AKAP12: variants seen among roughly 807,000 people sequenced by gnomAD.
AKAP12 encodes A-kinase anchor protein 12.
A neutral mutation model predicts 79.9 loss-of-function variants in AKAP12; 32 were observed. The ratio of observed to expected loss-of-function variants is 0.40; its 90% confidence interval spans 0.30 to 0.54. The LOEUF (loss-of-function observed/expected upper bound fraction) is 0.54, where lower values mean the gene tolerates loss of function less well. Ranked by LOEUF, AKAP12 falls within the 20% of genes least tolerant of loss-of-function variation. The probability of loss-of-function intolerance (pLI) is 0.48; values close to 1 mark genes in which losing one functional copy is unlikely to be tolerated. For missense variants in AKAP12, 2,074 were observed against 2,177.0 expected (o/e 0.95, Z 0.94); for synonymous variants, 808 against 857.0 (o/e 0.94, Z 1.00).
intron 3 of AKAP12, among the ~76,000 whole-genome samples, chr6:151,344,413 GA>G (rs1778030608): frequency 2.0e-5 from 3 of 151,834 alleles, no homozygotes; most frequent in Admixed American, 1.3e-4. Flanking sequence ...TATTTGAAAA[GA>G]AAAAAAGAAC....
At chr6:151,273,782 C>G (rs1212462110) in intron 2 of AKAP12, among the ~76,000 whole-genome samples, 1 of 152,116 alleles carries the variant, frequency 6.6e-6, no homozygotes, top group Non-Finnish European at 1.5e-5. Context: ...GTAATCCCAG[C>G]ACTTTGGGAG....
Position 151,305,836 on chromosome 6 carries a change from G to T in AKAP12, c.252G>T (p.Gln84His). Residue 84 changes from glutamine (Q) to histidine (H), a missense_variant, in exon 3 of 5, where the codon CAG (glutamine) becomes CAT (histidine). Gln to His is a conservative substitution (Grantham distance 24). This residue lies in a region of AKAP12 where 1,428 missense variants were observed against 1,451.0 expected (regional missense o/e 0.98). Coordinates refer to ENST00000402676, the MANE Select transcript of AKAP12 (RefSeq NM_005100.4). The stretch of plus-strand genomic sequence containing the variant: ...TCCAGGAGGGTGACCTAAATGGCCA[G>T]AAAGGAGCCCTGAACGGTCAAGGAG... ...LSLQEGDLNG[Q>H]KGALNGQGAL... The T allele has an allele frequency of 6.2e-7, 1 of 1,614,062 alleles. No homozygotes were observed. Among genetic ancestry groups the T allele is most frequent in the Non-Finnish European group, 8.5e-7 (1 of 1,179,984 alleles).
intron 3 of AKAP12, chr6:151,325,750 G>A: frequency 1.3e-6 from 2 of 1,586,770 alleles, no homozygotes; most frequent in Non-Finnish European, 1.7e-6. Context: ...CGCTCAGTCC[G>A]CTCTGATCCC....
chr6:151,280,408 A>G (rs1776380022), intron 2 of AKAP12: 1 of 151,992 alleles, frequency 6.6e-6, no homozygotes, highest in Non-Finnish European at 1.5e-5. Flanking sequence ...ACCCTTTTCT[A>G]TATGATAAAT....
In AKAP12 at chr6:151,357,002, TC is replaced by T. The variant is rs35839902; in HGVS notation, c.*1290del. On this transcript the variant is annotated 3_prime_UTR_variant, in exon 5 of 5. Transcript: ENST00000402676. ...TGCTACAATTGTACCATCTGGTAAT[TC>T]CTGAAAATGTCAATTTTTTTGTGTT... 1 of 152,218 alleles carries T rather than the reference TC, an allele frequency of 6.6e-6. No individual in the cohort carries two copies. The highest frequency in any genetic ancestry group is 1.5e-5 in the Non-Finnish European group (1 of 68,044). 9.4% of individuals were successfully genotyped at this position (152,218 alleles called of 1,614,324 possible). A position where few individuals can be genotyped will look rare whatever the true frequency, so the allele number is the denominator to read the frequency against.
chr6:151,263,532 AT>A (rs564913851), intron 2 of AKAP12, among the ~76,000 whole-genome samples: 97 of 152,138 alleles, frequency 6.4e-4, no homozygotes, highest in Middle Eastern at 3.4e-3. Context: ...TTCAGTTCAC[AT>A]TCTTCATTTT....
chr6:151,314,656 G>A (rs1023918564), intron 3 of AKAP12, among the ~76,000 whole-genome samples: 1 of 152,108 alleles, frequency 6.6e-6, no homozygotes, highest in East Asian at 1.9e-4. Context: ...TCTATAGTTC[G>A]GAGGCCACTC....
At chr6:151,282,448 G>A (rs1055427131) in intron 2 of AKAP12, among the ~76,000 whole-genome samples, 1 of 152,086 alleles carries the variant, frequency 6.6e-6, no homozygotes, top group Non-Finnish European at 1.5e-5. Flanking sequence ...TCACGCATGG[G>A]GGTTTTCCAG....
intron 3 of AKAP12, among the ~76,000 whole-genome samples, chr6:151,331,405 G>A (rs1406351565): frequency 1.3e-5 from 2 of 152,102 alleles, no homozygotes; most frequent in Admixed American, 1.3e-4. Flanking sequence ...AGTCCAGGAA[G>A]TATCTCCTCT....
At chr6:151,340,821 CA>C (rs1777925588) in intron 3 of AKAP12, among the ~76,000 whole-genome samples, 1 of 152,146 alleles carries the variant, frequency 6.6e-6, no homozygotes, top group African/African-American at 2.4e-5. Context: ...AGTTGTTTTG[CA>C]GAACGTCCTT....
At position 151,351,761 on chromosome 6, in the gene AKAP12, C is replaced by T; in HGVS notation, c.3370C>T (p.Pro1124Ser). ...QTTPESFEKAPQVTESIESSE... is the reference protein window; with the variant it reads ...QTTPESFEKASQVTESIESSE... The stretch of plus-strand genomic sequence containing the variant: ...CACCCCAGAAAGCTTTGAAAAAGCT[C>T]CTCAAGTCACAGAGAGCATAGAGTC... Residue 1124 changes from proline to serine, a missense_variant, in exon 4 of 5, where the codon CCT becomes TCT. Around this residue, in one of 3 missense-constraint regions of AKAP12, gnomAD observed 1,428 missense variants for 1,451.0 expected, o/e 0.98. Transcript: ENST00000402676. The surrounding 1 kb of genome is among the most constrained non-coding windows in gnomAD (Gnocchi z 4.4). 1 of 1,614,120 alleles carries T rather than the reference C, an allele frequency of 6.2e-7. No individual in the cohort carries two copies. Among genetic ancestry groups the T allele is most frequent in the Non-Finnish European group, 8.5e-7 (1 of 1,180,018 alleles).
At chr6:151,245,744 A>G (rs185953513) in intron 2 of AKAP12, among the ~76,000 whole-genome samples, 1 of 152,148 alleles carries the variant, frequency 6.6e-6, no homozygotes, top group East Asian at 1.9e-4. Context: ...TATTCATTTA[A>G]TGTTTATTTT....
intron 2 of AKAP12, among the ~76,000 whole-genome samples, chr6:151,284,671 G>A (rs962455882): frequency 1.3e-5 from 2 of 152,078 alleles, no homozygotes; most frequent in African/African-American, 4.8e-5. Context: ...ACATGTCGAT[G>A]TCTTATTTCT....
intron 2 of AKAP12, among the ~76,000 whole-genome samples, chr6:151,302,019 C>CTTT (rs373016759): frequency 2.2e-5 from 3 of 139,180 alleles, no homozygotes; most frequent in African/African-American, 8.1e-5. Flanking sequence ...TTTTTTTTTT[C>CTTT]TTTTTTTTTT....
chr6:151,260,548 A>G (rs1356276137), intron 2 of AKAP12, among the ~76,000 whole-genome samples: 1 of 152,220 alleles, frequency 6.6e-6, no homozygotes, highest in African/African-American at 2.4e-5. Flanking sequence ...TAAATGGTGA[A>G]TGATGATCTA....
chr6:151,311,580 T>TG (rs1777102957), intron 3 of AKAP12, among the ~76,000 whole-genome samples: 1 of 152,176 alleles, frequency 6.6e-6, no homozygotes, highest in Non-Finnish European at 1.5e-5. Context: ...CAGAAGTCTT[T>TG]GAGGGGATGT....
chr6:151,282,864 A>G (rs1776435856), intron 2 of AKAP12, among the ~76,000 whole-genome samples: 1 of 152,220 alleles, frequency 6.6e-6, no homozygotes. Context: ...TATTATGTAT[A>G]AAGTGCTAGA....
intron 2 of AKAP12, among the ~76,000 whole-genome samples, chr6:151,286,777 A>G (rs563576876): frequency 6.6e-6 from 1 of 152,274 alleles, no homozygotes; most frequent in Non-Finnish European, 1.5e-5. Flanking sequence ...TGAGTCCCGA[A>G]TGTGGTCTGA....
At position 151,348,785 on chromosome 6, in the gene AKAP12, CACG is replaced by C. The variant is rs779753313; in HGVS notation, c.397_399del (p.Asp133del). 3.3e-5 allele frequency: 52 copies of C among 1,553,930 alleles called. No homozygotes were observed. The Admixed American group carries it at 9.3e-4, about 28-fold the overall frequency. ...GATGGCTACTAAGTCAGCGGTTGTT[CACG>C]ACATCACAGATGATGGGCAGGAGGA... On this transcript the variant is annotated inframe_deletion, in exon 4 of 5. Transcript: ENST00000402676.
Sources: gnomAD v4.1 joint callset for allele counts (sites outside exome capture counted in the v4.1 genomes callset) on GRCh38, gnomAD v4.1.1 for gene constraint, gnomAD v4.1.1 regional missense constraint, Gnocchi (gnomAD v3.1) non-coding constraint, MANE v1.5 for transcripts, NCBI Gene and HGNC (gene_info 2026-07-23, HGNC 2026-07-21) for gene names.